ENPP6: variants seen among roughly 807,000 people sequenced by gnomAD.
The protein encoded by ENPP6 is glycerophosphocholine cholinephosphodiesterase ENPP6.
Under a neutral mutation model 42.0 loss-of-function variants are expected in ENPP6, and 32 were observed. The ratio of observed to expected loss-of-function variants is 0.76; its 90% CI spans 0.58 to 1.02. The LOEUF (loss-of-function observed/expected upper bound fraction) is 1.02, where lower values mean the gene tolerates loss of function less well. Ranked by LOEUF, ENPP6 falls within the 50% of genes least tolerant of loss-of-function variation. ENPP6 has a pLI of 0.00. For synonymous variants in ENPP6, 213 were observed against 216.0 expected (o/e 0.99, Z 0.12); for missense variants, 552 against 566.8 (o/e 0.97, Z 0.27).
chr4:184,162,502 T>G (rs1737277121), intron 1 of ENPP6, among the ~76,000 whole-genome samples: 1 of 144,864 alleles, frequency 6.9e-6, no homozygotes, highest in African/African-American at 2.7e-5. Flanking sequence ...TTTCTACTTT[T>G]GAAAGAAGGA....
chr4:184,173,225 T>C (rs1005656038), intron 1 of ENPP6, among the ~76,000 whole-genome samples: 7 of 152,086 alleles, frequency 4.6e-5, no homozygotes, highest in Non-Finnish European at 7.4e-5. Flanking sequence ...TTTAAAAGTG[T>C]TCATTGGAGC....
intron 2 of ENPP6, among the ~76,000 whole-genome samples, chr4:184,151,199 G>C: frequency 1.3e-5 from 2 of 152,298 alleles, no homozygotes; most frequent in South Asian, 4.1e-4. Context: ...TTAGCCAGGC[G>C]TGGTGGTGCA....
intron 2 of ENPP6, among the ~76,000 whole-genome samples, chr4:184,137,911 G>T (rs1000050911): frequency 6.6e-6 from 1 of 152,174 alleles, no homozygotes; most frequent in African/African-American, 2.4e-5. Flanking sequence ...TCCAGGTCTT[G>T]GCATGTCTCT....
chr4:184,143,410 C>G (rs4132929), intron 2 of ENPP6, among the ~76,000 whole-genome samples: 94,072 of 152,104 alleles, frequency 0.62, 29,715 homozygotes, highest in Non-Finnish European at 0.68. Flanking sequence ...CCCTGCAAAG[C>G]CTCTTCTCTG....
chr4:184,195,993 T>C (rs4862331), intron 1 of ENPP6, among the ~76,000 whole-genome samples: 74,795 of 152,062 alleles, frequency 0.49, 19,848 homozygotes, highest in East Asian at 0.95. Flanking sequence ...GGAACTCAAC[T>C]CCCAGGCTCC....
chr4:184,112,643 G>T (rs1249701883), intron 6 of ENPP6, 29 bp downstream of exon 6: 7 of 1,605,416 alleles, frequency 4.4e-6, no homozygotes, highest in Non-Finnish European at 2.5e-6. Flanking sequence ...TTTGCATAGA[G>T]AATAAATTGG....
chr4:184,139,759 G>T (rs1485846271), intron 2 of ENPP6, among the ~76,000 whole-genome samples: 2 of 72,664 alleles, frequency 2.8e-5, no homozygotes, highest in Non-Finnish European at 5.9e-5. Context: ...GTCTATCATT[G>T]TTGGACATTT....
intron 1 of ENPP6, among the ~76,000 whole-genome samples, chr4:184,197,956 C>T (rs1732830036): frequency 6.6e-6 from 1 of 151,958 alleles, no homozygotes; most frequent in African/African-American, 2.4e-5. Flanking sequence ...AAGTCCAGGA[C>T]AACAGGATGA....
intron 1 of ENPP6, among the ~76,000 whole-genome samples, chr4:184,200,802 C>T (rs1262288343): frequency 2.0e-5 from 3 of 152,212 alleles, no homozygotes; most frequent in East Asian, 3.9e-4. Context: ...CCTCCTGGCA[C>T]ACCTGGAGCC....
intron 1 of ENPP6, among the ~76,000 whole-genome samples, chr4:184,175,978 G>A (rs1737556163): frequency 2.6e-5 from 4 of 152,036 alleles, no homozygotes; most frequent in Admixed American, 2.6e-4. Flanking sequence ...TGTACAGATG[G>A]AGGTCTCACT....
chr4:184,137,636 T>C (rs999984325), intron 2 of ENPP6, among the ~76,000 whole-genome samples: 5 of 152,232 alleles, frequency 3.3e-5, no homozygotes, highest in African/African-American at 1.2e-4. Flanking sequence ...ATTAAGATGA[T>C]TTGAAGCTTA....
At chr4:184,194,015 C>G (rs1027233512) in intron 1 of ENPP6, among the ~76,000 whole-genome samples, 1 of 152,102 alleles carries the variant, frequency 6.6e-6, no homozygotes, top group Non-Finnish European at 1.5e-5. Context: ...TGCCACGGTC[C>G]CTGATAGCTC....
chr4:184,199,034 C>T (rs541647529), intron 1 of ENPP6, among the ~76,000 whole-genome samples: 11 of 152,276 alleles, frequency 7.2e-5, no homozygotes, highest in Admixed American at 7.2e-4. Flanking sequence ...GGAGAGAGGC[C>T]GCCTCCATGC....
intron 3 of ENPP6, among the ~76,000 whole-genome samples, chr4:184,121,654 A>C (rs1736418085): frequency 6.6e-6 from 1 of 152,202 alleles, no homozygotes; most frequent in South Asian, 2.1e-4. Context: ...TGATGGACAG[A>C]CCAATAAGCC....
chr4:184,093,826 G>A (rs1430726789), intron 7 of ENPP6, among the ~76,000 whole-genome samples: 1 of 152,086 alleles, frequency 6.6e-6, no homozygotes, highest in Non-Finnish European at 1.5e-5. Context: ...CCAGTGGAAT[G>A]GTTGTTCCAG....
chr4:184,133,079 C>T (rs888531530), intron 2 of ENPP6, among the ~76,000 whole-genome samples: 1 of 151,676 alleles, frequency 6.6e-6, no homozygotes, highest in African/African-American at 2.4e-5. Flanking sequence ...GTAAATCTTC[C>T]TGTTTTGTTC....
At chr4:184,100,855 G>A (rs553183776) in intron 6 of ENPP6, among the ~76,000 whole-genome samples, 2 of 152,334 alleles carry the variant, frequency 1.3e-5, no homozygotes, top group Non-Finnish European at 2.9e-5. Context: ...CTCTGGATTC[G>A]TGCCAGGAAC....
At chr4:184,176,966 C>T (rs771875079) in intron 1 of ENPP6, among the ~76,000 whole-genome samples, 25 of 152,152 alleles carry the variant, frequency 1.6e-4, no homozygotes, top group East Asian at 7.7e-4. Flanking sequence ...CTACCCTGCG[C>T]GGGAAACCAC....
rs558917185 is a variant in ENPP6, at chr4:184,195,695, C to A, written c.241+21884G>T. On this transcript the variant is annotated intron_variant, in intron 1 of 7. Coordinates refer to ENST00000296741, the MANE Select transcript of ENPP6 (RefSeq NM_153343.4). ...TAAGTGGAATCATACAATATTTGTC[C>A]TTTTGTTTCTGGCTGATTTCACTTA... Among the ~76,000 whole-genome samples the A allele has an allele frequency of 4.7e-4, 71 of 152,264 alleles. 1 individual carries two copies. The highest frequency in any genetic ancestry group is 3.4e-3 in the Middle Eastern group (1 of 294).
Sources: allele counts gnomAD v4.1 joint callset (sites outside exome capture counted in the v4.1 genomes callset), GRCh38; gene constraint gnomAD v4.1.1; transcripts MANE v1.5; gene names NCBI Gene and HGNC (gene_info 2026-07-23, HGNC 2026-07-21).